OPCML: variants seen among roughly 807,000 people sequenced by gnomAD.
The protein encoded by OPCML is opioid binding protein/cell adhesion molecule like.
OPCML carries 13 observed loss-of-function variants against 37.8 expected under a neutral mutation model. The observed-to-expected ratio is 0.34, with a 90% CI of 0.22 to 0.55. OPCML has a LOEUF of 0.55. Ranked by LOEUF, OPCML falls within the 20% of genes least tolerant of loss-of-function variation. The probability of loss-of-function intolerance (pLI) is 0.91; values close to 1 mark genes in which losing one functional copy is unlikely to be tolerated. For missense variants in OPCML, 341 were observed against 435.6 expected, an observed-to-expected ratio of 0.78 and a Z score of 1.93; for synonymous variants, 176 against 168.8, an observed-to-expected ratio of 1.04 and a Z score of -0.33.
At chr11:132,829,012 A>C (rs764940655) in intron 2 of OPCML, among the ~76,000 whole-genome samples, 54 of 152,366 alleles carry the variant, frequency 3.5e-4, no homozygotes, top group Non-Finnish European at 5.6e-4. Context: ...TTCCCAACAC[A>C]GCAAGAAATT....
At chr11:132,858,736 C>T (rs1373727167) in intron 2 of OPCML, among the ~76,000 whole-genome samples, 1 of 152,132 alleles carries the variant, frequency 6.6e-6, no homozygotes, top group Admixed American at 6.5e-5. Flanking sequence ...AATACATATG[C>T]AAGTGTTTTT....
intron 3 of OPCML, among the ~76,000 whole-genome samples, chr11:132,598,206 C>G (rs2137754413): frequency 6.6e-6 from 1 of 152,284 alleles, no homozygotes; most frequent in Admixed American, 6.5e-5. Context: ...TCTTCCATCC[C>G]CGTATTAGCA....
chr11:133,304,878 T>C (rs1312488606), intron 1 of OPCML, among the ~76,000 whole-genome samples: 2 of 152,188 alleles, frequency 1.3e-5, no homozygotes, highest in South Asian at 2.1e-4. Flanking sequence ...ATTGAGTTGA[T>C]ACAAAAGTAA....
In OPCML at chr11:133,410,074, T is replaced by C. The variant is rs570230176; in HGVS notation, c.61+122190A>G. Reference sequence around the variant, plus strand: ...GCCTGAAGGATCAAATGAGGGCAATTGAGCTCTGAAAGCTGGAGGAGCCTC... The same window carrying C: ...GCCTGAAGGATCAAATGAGGGCAATCGAGCTCTGAAAGCTGGAGGAGCCTC... On this transcript the variant is annotated intron_variant, in intron 1 of 7. Coordinates refer to ENST00000524381, the MANE Select transcript of OPCML (RefSeq NM_001012393.5). 6.6e-5 allele frequency among the ~76,000 whole-genome samples: 10 copies of C among 152,214 alleles called. No homozygotes were observed. In the East Asian group the frequency reaches 1.9e-3, roughly 30 times the overall value.
intron 1 of OPCML, among the ~76,000 whole-genome samples, chr11:133,425,473 A>G (rs1432934659): frequency 2.6e-5 from 4 of 152,168 alleles, no homozygotes; most frequent in Non-Finnish European, 5.9e-5. Context: ...ATAGCATTCC[A>G]TCCCTACAAC....
At chr11:132,961,164 C>T (rs942580090) in intron 1 of OPCML, among the ~76,000 whole-genome samples, 2 of 152,250 alleles carry the variant, frequency 1.3e-5, no homozygotes, top group East Asian at 1.9e-4. Flanking sequence ...AAATAGTTTT[C>T]CTGGAGATAT....
At chr11:132,751,741 T>C (rs1945841913) in intron 2 of OPCML, among the ~76,000 whole-genome samples, 1 of 152,206 alleles carries the variant, frequency 6.6e-6, no homozygotes, top group Non-Finnish European at 1.5e-5. Context: ...CAAAGCCCTA[T>C]GCTCATAATC....
intron 1 of OPCML, among the ~76,000 whole-genome samples, chr11:133,182,869 G>A (rs1423373662): frequency 6.6e-6 from 1 of 152,078 alleles, no homozygotes; most frequent in African/African-American, 2.4e-5. Context: ...TTCTCTCAAA[G>A]AACAAAGTCA....
At chr11:133,175,912 T>C (rs1950366222) in intron 1 of OPCML, among the ~76,000 whole-genome samples, 1 of 152,100 alleles carries the variant, frequency 6.6e-6, no homozygotes, top group Non-Finnish European at 1.5e-5. Flanking sequence ...TATGAAAAAA[T>C]GTTCAACTAA....
chr11:133,006,363 A>G (rs1947112482), intron 1 of OPCML: 2 of 826,770 alleles, frequency 2.4e-6, no homozygotes, highest in Non-Finnish European at 2.9e-6. Context: ...AATGGTCTGC[A>G]ATCCTGAATT....
chr11:132,429,612 G>A (rs973669746), intron 7 of OPCML, among the ~76,000 whole-genome samples: 1 of 152,194 alleles, frequency 6.6e-6, no homozygotes, highest in Non-Finnish European at 1.5e-5. Context: ...AGAGTGGCTT[G>A]TAGCTCAGAA....
chr11:132,870,628 T>C (rs943259654), intron 2 of OPCML, among the ~76,000 whole-genome samples: 11 of 152,128 alleles, frequency 7.2e-5, no homozygotes, highest in Admixed American at 5.9e-4. Context: ...CTGTTGACAA[T>C]AGCCGAGATA....
At chr11:133,154,321 C>G (rs1338428348) in intron 1 of OPCML, among the ~76,000 whole-genome samples, 17 of 152,064 alleles carry the variant, frequency 1.1e-4, no homozygotes, top group Non-Finnish European at 2.9e-5. Flanking sequence ...ATCGTGAATG[C>G]CTTCAAATCA....
At chr11:133,289,526 C>T (rs1392206384) in intron 1 of OPCML, among the ~76,000 whole-genome samples, 2 of 135,992 alleles carry the variant, frequency 1.5e-5, no homozygotes, top group African/African-American at 5.6e-5. Context: ...ACCCGGGAGG[C>T]GGAGCTTGCA....
At chr11:132,944,480 C>G (rs962422048) in intron 1 of OPCML, among the ~76,000 whole-genome samples, 1 of 152,148 alleles carries the variant, frequency 6.6e-6, no homozygotes, top group Non-Finnish European at 1.5e-5. Context: ...CTCGGAAACG[C>G]CCGTGCCCCT....
chr11:133,185,286 A>T (rs1262498331), intron 1 of OPCML, among the ~76,000 whole-genome samples: 1 of 152,204 alleles, frequency 6.6e-6, no homozygotes, highest in African/African-American at 2.4e-5. Flanking sequence ...TTTGTATAAG[A>T]TTATTTGATT....
chr11:132,522,913 C>T lies in OPCML; in HGVS notation c.505+6148G>A, dbSNP rs376490853. ...AGGAATTTCTAGCATGAAAAATGAA[C>T]GCTGTAGCAGAAACAGTCATGGATC... is the stretch of plus-strand genomic sequence containing the variant. On this transcript the variant is annotated intron_variant, in intron 4 of 7. Coordinates refer to ENST00000524381, the MANE Select transcript of OPCML (RefSeq NM_001012393.5). Among the ~76,000 whole-genome samples the T allele has an allele frequency of 9.2e-5, 14 of 152,320 alleles. 1 individual carries two copies. The highest frequency in any genetic ancestry group is 1.4e-4 in the African/African-American group (6 of 41,586).
intron 1 of OPCML, among the ~76,000 whole-genome samples, chr11:133,271,422 A>G (rs1258721997): frequency 6.6e-6 from 1 of 152,248 alleles, no homozygotes; most frequent in Non-Finnish European, 1.5e-5. Flanking sequence ...ATGAAGGTAG[A>G]TGGGCCTTAA....
intron 1 of OPCML, among the ~76,000 whole-genome samples, chr11:132,981,559 C>CA (rs1356458106): frequency 1.3e-5 from 2 of 152,158 alleles, no homozygotes; most frequent in African/African-American, 4.8e-5. Context: ...CGTTTATAAA[C>CA]ATTAGCAGTT....
Sources: gnomAD v4.1 joint callset for allele counts (sites outside exome capture counted in the v4.1 genomes callset) on GRCh38, gnomAD v4.1.1 for gene constraint, MANE v1.5 for transcripts, NCBI Gene and HGNC (gene_info 2026-07-23, HGNC 2026-07-21) for gene names.